Variants in GNAT2 observed in about 807,000 individuals in gnomAD.
GNAT2 encodes the protein guanine nucleotide-binding protein G(t) subunit alpha-2.
In GNAT2, 32 loss-of-function variants were observed where a neutral mutation model predicts 40.9. The observed-to-expected ratio is 0.78, with a 90% CI of 0.59 to 1.05. The LOEUF is 1.05. Among genes scored for constraint, GNAT2 ranks in the 50% least tolerant of loss-of-function variants. GNAT2 has a pLI of 0.00. For synonymous variants in GNAT2, 141 were observed against 157.2 expected, an observed-to-expected ratio of 0.90 and a Z score of 0.77; for missense variants, 355 against 431.5, an observed-to-expected ratio of 0.82 and a Z score of 1.57.
At chr1:109,604,319 T>G in intron 7 of GNAT2, 1 of 574,680 alleles carries the variant, frequency 1.7e-6, no homozygotes, top group South Asian at 2.0e-5. Context: ...GGAAAATTAT[T>G]GAGCTTTTTC....
At chr1:109,606,130 A>G (rs1252451148) in intron 6 of GNAT2, 31 bp from the exon 7 acceptor site, 3 of 1,613,356 alleles carry the variant, frequency 1.9e-6, no homozygotes, top group East Asian at 2.2e-5. Flanking sequence ...TTTCATAGGT[A>G]TGCCCAACAT....
At chr1:109,610,951 T>G (rs1649773884) in intron 2 of GNAT2, 2 of 253,806 alleles carry the variant, frequency 7.9e-6, no homozygotes, top group South Asian at 4.7e-5. Flanking sequence ...GATCTTGGGG[T>G]AGGATTGGAG....
At chr1:109,604,479 T>TA (rs1320334046) in intron 7 of GNAT2, 1 of 273,942 alleles carries the variant, frequency 3.7e-6, no homozygotes, top group Non-Finnish European at 7.2e-6. Context: ...TGACATTTTA[T>TA]AAGTAGTGCT....
At chr1:109,611,322 GCGCATGCCAC>G (rs1649791395) in intron 2 of GNAT2, 1 of 152,222 alleles carries the variant, frequency 6.6e-6, no homozygotes, top group Non-Finnish European at 1.5e-5. Flanking sequence ...GACTCTACAG[GCGCATGCCAC>G]CATGCCTGAC....
Position 109,605,971 on chromosome 1 carries a change from A to G in GNAT2, c.719T>C (p.Val240Ala), listed in dbSNP as rs2101123698. The G allele has an allele frequency of 6.2e-7, 1 of 1,613,580 alleles. No individual in the cohort carries two copies. Residue 240 changes from valine (V) to alanine (A), a missense_variant and splice_region_variant, in exon 7 of 9, where the codon GTG becomes GCG. Physicochemically the swap from Val to Ala is moderately conservative, Grantham distance 64 (BLOSUM62 0). Coordinates refer to ENST00000679935, the MANE Select transcript of GNAT2 (RefSeq NM_001377295.2). ...CTGCTTGATGCAAAGGCCACTCACC[A>G]CTTCGTCATCTTCCACCAGCACCAT... ...YDMVLVEDDEVNRMHESLHLF... is the reference protein window; with the variant it reads ...YDMVLVEDDEANRMHESLHLF...
intron 5 of GNAT2, chr1:109,607,715 C>G (rs978751906): frequency 6.6e-6 from 1 of 152,198 alleles, no homozygotes; most frequent in Non-Finnish European, 1.5e-5. Flanking sequence ...AATGCAAATG[C>G]AGTCTCTGCT....
Position 109,612,975 on chromosome 1 carries a change from T to C in GNAT2, c.-53-52A>G. Reference sequence around the variant, plus strand: ...AAAAGTTGGGATTGAGTATCCCAACTTGGCTCCCCTAAAAGCTGGTCTGTA... The same window carrying C: ...AAAAGTTGGGATTGAGTATCCCAACCTGGCTCCCCTAAAAGCTGGTCTGTA... On this transcript the variant is annotated intron_variant, in intron 1 of 8. Coordinates refer to ENST00000679935, the MANE Select transcript of GNAT2 (RefSeq NM_001377295.2). 3 of 805,112 alleles carry C rather than the reference T, an allele frequency of 3.7e-6. No homozygotes were observed. In the South Asian group the frequency reaches 4.0e-5, roughly 11 times the overall value. The allele number at this position is 805,112 out of a possible 1,614,324, so 49.9% of individuals were successfully genotyped here.
intron 1 of GNAT2, among the ~76,000 whole-genome samples, chr1:109,618,684 T>G (rs1303272143): frequency 6.6e-6 from 1 of 152,216 alleles, no homozygotes. Flanking sequence ...TGGTTTTTTG[T>G]TTTTTAGTCT....
intron 4 of GNAT2, 73 bp downstream of exon 4, chr1:109,609,967 G>C (rs956520606): frequency 1.4e-6 from 2 of 1,429,612 alleles, no homozygotes; most frequent in East Asian, 2.3e-5. Context: ...CATATAGTTT[G>C]TTGGCCTCTG....
At chr1:109,614,958 C>T in intron 1 of GNAT2, 1 of 152,194 alleles carries the variant, frequency 6.6e-6, no homozygotes, top group East Asian at 1.9e-4. Flanking sequence ...TATAAGGTTT[C>T]AGTAATTATA....
At position 109,609,115 on chromosome 1, in the gene GNAT2, G is replaced by GA. The variant is rs1570564474; in HGVS notation, c.304-328dup. On this transcript the variant is annotated intron_variant, in intron 4 of 8. Coordinates refer to ENST00000679935, the MANE Select transcript of GNAT2 (RefSeq NM_001377295.2). Reference sequence around the variant, plus strand: ...GTGGGTCCTCTGCTGCAGAGAGACTGAAAATGTAAAGGCCAGATTGACCAT... The same window carrying GA: ...GTGGGTCCTCTGCTGCAGAGAGACTGAAAAATGTAAAGGCCAGATTGACCAT... 7.6e-6 allele frequency: 3 copies of GA among 392,372 alleles called. No individual in the cohort carries two copies. The East Asian group carries it at 1.8e-4, about 23-fold the overall frequency. 24.3% of individuals were successfully genotyped at this position (392,372 alleles called of 1,614,324 possible).
chr1:109,605,229 A>G (rs1301263208), intron 7 of GNAT2: 1 of 153,246 alleles, frequency 6.5e-6, no homozygotes, highest in Non-Finnish European at 1.5e-5. Flanking sequence ...GTGGACCTCC[A>G]TTTGTGAGCA....
At chr1:109,613,520 A>G (rs1211724614) in intron 1 of GNAT2, 1 of 160,570 alleles carries the variant, frequency 6.2e-6, no homozygotes, top group Non-Finnish European at 1.4e-5. Flanking sequence ...AGCTACTAGC[A>G]TTGTTCCTTT....
chr1:109,606,730 A>G (rs776266052), intron 5 of GNAT2: 2 of 383,504 alleles, frequency 5.2e-6, no homozygotes, highest in Non-Finnish European at 9.9e-6. Context: ...AGATTTTTGA[A>G]TGAGATTTAG....
At chr1:109,610,425 T>C (rs1218841463) in intron 3 of GNAT2, 40 bp downstream of exon 3, 2 of 1,595,320 alleles carry the variant, frequency 1.3e-6, no homozygotes, top group South Asian at 2.2e-5. Context: ...TACTGACTTC[T>C]TCACCCTATC....
In GNAT2 at chr1:109,603,948, TACCATCATACTCTGG is replaced by T; in HGVS notation, c.862_874+2del. 1 of 1,595,354 alleles carries T rather than the reference TACCATCATACTCTGG, an allele frequency of 6.3e-7. No homozygotes were observed. Among genetic ancestry groups the T allele is most frequent in the Non-Finnish European group, 8.6e-7 (1 of 1,163,616 alleles). ...ATTATTATTTCCAGCCCCTGACACT[TACCATCATACTCTGG>T]AAAACAAATGCTGAGATGGACTTTC... On this transcript the variant is annotated splice_donor_variant and coding_sequence_variant, in exon 8 of 9. Transcript: ENST00000679935. LOFTEE classifies it high-confidence loss of function.
At chr1:109,609,710 T>C in intron 4 of GNAT2, 1 of 372,154 alleles carries the variant, frequency 2.7e-6, no homozygotes, top group Non-Finnish European at 5.2e-6. Context: ...TTCAGCTTTG[T>C]AGTCAAGCAG....
In GNAT2 at chr1:109,604,070, C is replaced by A; in HGVS notation, c.755G>T (p.Ser252Ile). ...CGCAAAGAATTTGTGGTTACATATG[C>A]TGTTGAACAGATGCAAAGACTCATG... The part of the protein sequence containing the change: ...RMHESLHLFN[S>I]ICNHKFFAAT... Residue 252 changes from serine (S) to isoleucine (I), a missense_variant, in exon 8 of 9, where the codon AGC becomes ATC. By Grantham distance (142) the Ser-to-Ile change is moderately radical. Transcript: ENST00000679935. 1 of 1,611,024 alleles carries A rather than the reference C, an allele frequency of 6.2e-7. No individual in the cohort carries two copies. The highest frequency in any genetic ancestry group is 1.1e-5 in the South Asian group (1 of 91,004).
chr1:109,606,340 T>G lies in GNAT2; in HGVS notation c.558A>C (p.Glu186Asp), dbSNP rs1338889820. ...RSRVKTTGIIETKFSVKDLNF... is the reference protein window; with the variant it reads ...RSRVKTTGIIDTKFSVKDLNF... ...TCAAGTCTTTGACGGAAAACTTGGT[T>G]TCAATGATGCCCGTGGTTTTGACTC... Residue 186 changes from glutamate to aspartate, a missense_variant, in exon 6 of 9, where the codon GAA becomes GAC. By Grantham distance (45) the Glu-to-Asp change is conservative. Coordinates refer to ENST00000679935, the MANE Select transcript of GNAT2 (RefSeq NM_001377295.2). The G allele has an allele frequency of 6.2e-7, 1 of 1,613,636 alleles. No homozygotes were observed. Among genetic ancestry groups the G allele is most frequent in the Non-Finnish European group, 8.5e-7 (1 of 1,179,624 alleles).
Sources: gnomAD v4.1 joint callset for allele counts (sites outside exome capture counted in the v4.1 genomes callset) on GRCh38, gnomAD v4.1.1 for gene constraint, MANE v1.5 for transcripts, NCBI Gene and HGNC (gene_info 2026-07-23, HGNC 2026-07-21) for gene names.